CCSER1: variants seen among roughly 807,000 people sequenced by gnomAD.
CCSER1 encodes the protein coiled-coil serine rich protein 1, also known as serine-rich coiled-coil domain-containing protein 1.
A neutral mutation model predicts 82.0 loss-of-function variants in CCSER1; 41 were observed. That is an observed-to-expected ratio of 0.50 (90% confidence interval 0.39 to 0.65). The LOEUF (loss-of-function observed/expected upper bound fraction) is 0.65. Ranked by LOEUF, CCSER1 falls within the 30% of genes least tolerant of loss-of-function variation. The pLI is 0.00. For missense variants in CCSER1, 1,119 were observed against 1,064.2 expected, an observed-to-expected ratio of 1.05 and a Z score of -0.72; for synonymous variants, 414 against 383.9, an observed-to-expected ratio of 1.08 and a Z score of -0.92.
intron 10 of CCSER1, among the ~76,000 whole-genome samples, chr4:91,177,584 T>G (rs926542276): frequency 1.3e-5 from 2 of 152,204 alleles, no homozygotes; most frequent in Admixed American, 1.3e-4. Context: ...CCATTTCTTT[T>G]AGATTTTCTA....
chr4:90,423,951 C>T (rs950631852), intron 4 of CCSER1, among the ~76,000 whole-genome samples: 9 of 151,568 alleles, frequency 5.9e-5, no homozygotes, highest in Non-Finnish European at 1.0e-4. Context: ...ATTAGCTGGG[C>T]ACAGTGGCGG....
chr4:91,322,292 T>C (rs570168345), intron 10 of CCSER1, among the ~76,000 whole-genome samples: 1 of 152,242 alleles, frequency 6.6e-6, no homozygotes, highest in South Asian at 2.1e-4. Context: ...TCAATTTAAT[T>C]TTTTCTTGTA....
intron 1 of CCSER1, among the ~76,000 whole-genome samples, chr4:90,141,423 TTAAGCTC>T (rs1322953061): frequency 2.6e-4 from 40 of 152,358 alleles, no homozygotes. Context: ...AGGTAATATG[TTAAGCTC>T]TTTCTGTTTT....
chr4:91,096,716 G>C (rs2148839793), intron 10 of CCSER1, among the ~76,000 whole-genome samples: 1 of 152,174 alleles, frequency 6.6e-6, no homozygotes, highest in South Asian at 2.1e-4. Flanking sequence ...ATTTAACATA[G>C]TTCCCAATGG....
chr4:90,178,075 C>T (rs1733038154), intron 1 of CCSER1, among the ~76,000 whole-genome samples: 3 of 152,178 alleles, frequency 2.0e-5, no homozygotes, highest in East Asian at 1.9e-4. Context: ...GGATACACAA[C>T]CTAGGCATTG....
intron 9 of CCSER1, among the ~76,000 whole-genome samples, chr4:90,972,042 G>A (rs1440153266): frequency 6.6e-6 from 1 of 151,766 alleles, no homozygotes; most frequent in Non-Finnish European, 1.5e-5. Context: ...ACATTAAACA[G>A]TGAAAAGCTC....
chr4:90,886,565 AAGAT>A (rs1305873273), intron 8 of CCSER1, among the ~76,000 whole-genome samples: 2 of 152,188 alleles, frequency 1.3e-5, no homozygotes, highest in African/African-American at 4.8e-5. Flanking sequence ...TGTAAACTCT[AAGAT>A]AGGTAATAAT....
At chr4:90,780,331 A>C in intron 7 of CCSER1, 1 of 1,149,458 alleles carries the variant, frequency 8.7e-7, no homozygotes. Context: ...CTTCCCATCT[A>C]AATTATCTTT....
chr4:91,557,757 A>G (rs949379560), intron 10 of CCSER1, among the ~76,000 whole-genome samples: 1 of 151,448 alleles, frequency 6.6e-6, no homozygotes, highest in African/African-American at 2.4e-5. Flanking sequence ...AGGAGTTGCA[A>G]GTAATATGGT....
chr4:90,590,454 C>T (rs1387813063), intron 5 of CCSER1, among the ~76,000 whole-genome samples: 4 of 152,014 alleles, frequency 2.6e-5, no homozygotes, highest in Non-Finnish European at 5.9e-5. Context: ...GTGGCGTGCA[C>T]CTGTAATCTC....
intron 10 of CCSER1, among the ~76,000 whole-genome samples, chr4:91,320,948 T>C (rs1528581): frequency 0.78 from 118,923 of 151,916 alleles, 47,304 homozygotes; most frequent in African/African-American, 0.93. Context: ...TTTTGGAATC[T>C]TGAAAGACAA....
At chr4:90,173,634 C>T (rs868164504) in intron 1 of CCSER1, among the ~76,000 whole-genome samples, 3 of 151,864 alleles carry the variant, frequency 2.0e-5, no homozygotes, top group African/African-American at 4.8e-5. Flanking sequence ...ATCCAAGAGG[C>T]GGAATCCTGT....
chr4:90,482,617 A>C (rs1474016728), intron 5 of CCSER1, among the ~76,000 whole-genome samples: 2 of 152,000 alleles, frequency 1.3e-5, no homozygotes, highest in African/African-American at 4.8e-5. Flanking sequence ...TTCTGCCTTC[A>C]TTTTGTTATG....
At chr4:91,456,908 T>C (rs1018731235) in intron 10 of CCSER1, among the ~76,000 whole-genome samples, 6 of 152,122 alleles carry the variant, frequency 3.9e-5, no homozygotes, top group African/African-American at 1.4e-4. Flanking sequence ...TGCCATTTTA[T>C]TAATTGAATT....
At chr4:90,643,657 A>G (rs901214423) in intron 6 of CCSER1, among the ~76,000 whole-genome samples, 3 of 152,216 alleles carry the variant, frequency 2.0e-5, no homozygotes, top group Admixed American at 2.0e-4. Flanking sequence ...TGATTTTCAC[A>G]AAGTCTGAGG....
intron 10 of CCSER1, among the ~76,000 whole-genome samples, chr4:91,383,449 C>T (rs11730357): frequency 0.074 from 11,199 of 151,814 alleles, 545 homozygotes; most frequent in Middle Eastern, 0.13. Context: ...GGAAACAGTA[C>T]TCCTTTAAAG....
chr4:90,171,075 T>C (rs1281001305), intron 1 of CCSER1, among the ~76,000 whole-genome samples: 1 of 151,758 alleles, frequency 6.6e-6, no homozygotes, highest in Non-Finnish European at 1.5e-5. Context: ...CTTTTATGCA[T>C]TTATGCCTGT....
intron 1 of CCSER1, among the ~76,000 whole-genome samples, chr4:90,250,708 T>C (rs1453489641): frequency 6.6e-6 from 1 of 152,080 alleles, no homozygotes; most frequent in Non-Finnish European, 1.5e-5. Flanking sequence ...CATTTTCATA[T>C]GAAATTTAGC....
At chr4:91,440,669 A>G (rs758243429) in intron 10 of CCSER1, among the ~76,000 whole-genome samples, 65 of 152,178 alleles carry the variant, frequency 4.3e-4, no homozygotes, top group Non-Finnish European at 7.2e-4. Context: ...CAAAAAATTA[A>G]TGAATCCAGG....
Sources: gnomAD v4.1 joint callset for allele counts (sites outside exome capture counted in the v4.1 genomes callset) on GRCh38, gnomAD v4.1.1 for gene constraint, MANE v1.5 for transcripts, NCBI Gene and HGNC (gene_info 2026-07-23, HGNC 2026-07-21) for gene names.